The following ANO2 variants were observed in gnomAD, a reference collection of about 807,000 sequenced individuals.
ANO2 encodes the protein anoctamin-2.
A neutral mutation model predicts 124.2 loss-of-function variants in ANO2; 101 were observed. That is an observed-to-expected ratio of 0.81 (90% CI 0.69 to 0.96). ANO2 has a LOEUF of 0.96. Among genes scored for constraint, ANO2 ranks in the 40% least tolerant of loss-of-function variants. The probability of loss-of-function intolerance (pLI) is 0.00; values close to 1 mark genes in which losing one functional copy is unlikely to be tolerated. For synonymous variants in ANO2, 486 were observed against 482.5 expected (o/e 1.01, Z -0.09); for missense variants, 1,293 against 1,274.5 (o/e 1.01, Z -0.22).
intron 24 of ANO2, 143 bp from the exon 25 acceptor site, chr12:5,563,711 C>G (rs1941585302): frequency 1.8e-6 from 2 of 1,109,338 alleles, no homozygotes; most frequent in South Asian, 3.0e-5. Context: ...ATAACTCTAC[C>G]TTGGTGTCCT....
rs1953110398 is a variant in ANO2, at chr12:5,803,663, AC to A, written c.990+2388del. ...AGGCAGCTGCTGGAAGCCAGGAGGG[AC>A]CCATCTACCCCCACGCTGCTCCCTC... On this transcript the variant is annotated intron_variant, in intron 9 of 24. Transcript: ENST00000682330. Among the ~76,000 whole-genome samples, 4 of 152,170 alleles carry A rather than the reference AC, an allele frequency of 2.6e-5. No individual in the cohort carries two copies. In the South Asian group the frequency reaches 8.3e-4, roughly 32 times the overall value.
intron 8 of ANO2, among the ~76,000 whole-genome samples, chr12:5,806,511 T>C (rs973770386): frequency 3.9e-5 from 6 of 152,202 alleles, no homozygotes; most frequent in Non-Finnish European, 7.3e-5. Flanking sequence ...ATCCGAAAAA[T>C]TCCTGCTGGC....
chr12:5,883,741 A>G lies in ANO2; in HGVS notation c.535-29600T>C, dbSNP rs192969811. 3.8e-3 allele frequency among the ~76,000 whole-genome samples: 578 copies of G among 152,214 alleles called. 1 individual carries two copies. The highest frequency in any genetic ancestry group is 6.5e-3 in the Non-Finnish European group (444 of 68,018). On this transcript the variant is annotated intron_variant, in intron 3 of 24. Transcript: ENST00000682330. ...TGCCTTCTTAGACCTCGATTTCCCC[A>G]TCTATGAAATGAGGACTTTGCTGAG...
intron 4 of ANO2, among the ~76,000 whole-genome samples, chr12:5,838,744 G>C (rs951981511): frequency 6.6e-6 from 1 of 152,130 alleles, no homozygotes. Flanking sequence ...AATACATTGT[G>C]GTTTGCTTTC....
intron 4 of ANO2, among the ~76,000 whole-genome samples, chr12:5,839,082 AT>A (rs965588656): frequency 1.6e-4 from 24 of 152,252 alleles, no homozygotes; most frequent in African/African-American, 5.8e-4. Context: ...ACATCAGGCA[AT>A]GAAAGGCAGT....
chr12:5,930,417 G>A (rs1429805096), intron 1 of ANO2, among the ~76,000 whole-genome samples: 1 of 152,166 alleles, frequency 6.6e-6, no homozygotes, highest in African/African-American at 2.4e-5. Context: ...AAGGCCAGCA[G>A]TGGATGAGTG....
intron 7 of ANO2, among the ~76,000 whole-genome samples, chr12:5,815,808 G>A (rs961518342): frequency 6.6e-6 from 1 of 151,616 alleles, no homozygotes; most frequent in African/African-American, 2.4e-5. Context: ...TTTCTTGTAA[G>A]CTACCCCAGA....
At chr12:5,923,174 G>A (rs58014988) in intron 1 of ANO2, among the ~76,000 whole-genome samples, 425 of 8,722 alleles carry the variant, frequency 0.049, 119 homozygotes, top group African/African-American at 0.084. Flanking sequence ...ACACACACAC[G>A]CACACACACA....
intron 20 of ANO2, among the ~76,000 whole-genome samples, chr12:5,578,752 G>C (rs1202161087): frequency 6.6e-6 from 1 of 152,176 alleles, no homozygotes; most frequent in South Asian, 2.1e-4. Flanking sequence ...GGCATGGTGG[G>C]GAGATACAAG....
intron 4 of ANO2, among the ~76,000 whole-genome samples, chr12:5,850,211 T>A (rs894856923): frequency 6.6e-6 from 1 of 150,612 alleles, no homozygotes; most frequent in East Asian, 2.0e-4. Flanking sequence ...AGGTCAGGAG[T>A]TCGAGACCAG....
intron 20 of ANO2, among the ~76,000 whole-genome samples, chr12:5,581,836 T>C (rs1358535741): frequency 6.6e-6 from 1 of 152,194 alleles, no homozygotes; most frequent in Non-Finnish European, 1.5e-5. Context: ...GAACAGGCCC[T>C]CTCTGCAGAC....
chr12:5,633,430 C>T (rs1273057430), intron 16 of ANO2, among the ~76,000 whole-genome samples: 3 of 152,200 alleles, frequency 2.0e-5, no homozygotes, highest in African/African-American at 7.2e-5. Context: ...TTGCCTTGAT[C>T]TAATTTCTCA....
At chr12:5,872,261 T>C (rs7296308) in intron 3 of ANO2, among the ~76,000 whole-genome samples, 139,593 of 152,206 alleles carry the variant, frequency 0.92, 64,118 homozygotes, top group African/African-American at 0.94. Flanking sequence ...AAAACTCATC[T>C]TCATCCTGGC....
intron 7 of ANO2, among the ~76,000 whole-genome samples, chr12:5,812,935 A>G (rs1953475270): frequency 6.9e-6 from 1 of 144,100 alleles, no homozygotes; most frequent in East Asian, 2.2e-4. Context: ...AGAGAAAGAG[A>G]GGAAGGAAGG....
chr12:5,872,144 C>T (rs990857823), intron 3 of ANO2, among the ~76,000 whole-genome samples: 4 of 152,062 alleles, frequency 2.6e-5, no homozygotes, highest in African/African-American at 7.2e-5. Flanking sequence ...GTCCTTTTTC[C>T]CTCTCGTGAC....
Position 5,787,020 on chromosome 12 carries a change from ACTGGAGCACAAC to A in ANO2, c.1055+12475_1055+12486del, listed in dbSNP as rs1369765292. On this transcript the variant is annotated intron_variant, in intron 10 of 24. Transcript: ENST00000682330. This position sits in a 1 kb window ranked among gnomAD's most constrained non-coding sequence, Gnocchi z 4.2. The stretch of plus-strand genomic sequence containing the variant: ...GAGCAGGGAGAGATGCTTCATGTCC[ACTGGAGCACAAC>A]CTGGTGAGACCATAGGTTAGTTATG... Among the ~76,000 whole-genome samples the A allele has an allele frequency of 6.6e-6, 1 of 152,172 alleles. No homozygotes were observed. The highest frequency in any genetic ancestry group is 1.5e-5 in the Non-Finnish European group (1 of 68,040).
At position 5,923,250 on chromosome 12, in the gene ANO2, A is replaced by ACACACACACACGCACACACACCCACATG. The variant is rs1293632547; in HGVS notation, c.23-447_23-446insCATGTGGGTGTGTGTGCGTGTGTGTGTG. ...CATGCACACATACACACACGCATACACACACATACACACACACACACACAC... is the reference window on the plus strand; with the variant it reads ...CATGCACACATACACACACGCATACACACACACACACGCACACACACCCACATGCACACATACACACACACACACACAC... On this transcript the variant is annotated intron_variant, in intron 1 of 24. Transcript: ENST00000682330. Among the ~76,000 whole-genome samples the ACACACACACACGCACACACACCCACATG allele has an allele frequency of 5.4e-5, 4 of 74,530 alleles. No individual in the cohort carries two copies. In the Admixed American group the frequency reaches 6.3e-4, roughly 12 times the overall value. The allele number at this position is 74,530 out of a possible 152,430, so 48.9% of individuals were successfully genotyped here. A position where few individuals can be genotyped will look rare whatever the true frequency, so the allele number is the denominator to read the frequency against.
intron 14 of ANO2, among the ~76,000 whole-genome samples, chr12:5,704,968 A>G (rs1173387190): frequency 6.6e-6 from 1 of 152,186 alleles, no homozygotes; most frequent in Non-Finnish European, 1.5e-5. Context: ...CACTTCTGGG[A>G]AAATTGTACC....
At chr12:5,806,711 G>A (rs1456283170) in intron 8 of ANO2, among the ~76,000 whole-genome samples, 1 of 152,198 alleles carries the variant, frequency 6.6e-6, no homozygotes, top group African/African-American at 2.4e-5. Context: ...CTCCAGTCAA[G>A]GAGAGATTTC....
Sources: allele counts gnomAD v4.1 joint callset (sites outside exome capture counted in the v4.1 genomes callset), GRCh38; gene constraint gnomAD v4.1.1; non-coding constraint Gnocchi (gnomAD v3.1); transcripts MANE v1.5; gene names NCBI Gene and HGNC (gene_info 2026-07-23, HGNC 2026-07-21).